The following G6PC2 variants were observed in gnomAD, a reference collection of about 807,000 sequenced individuals.
G6PC2 encodes glucose-6-phosphatase catalytic subunit 2.
A neutral mutation model predicts 35.4 loss-of-function variants in G6PC2; 41 were observed. That is an observed-to-expected ratio of 1.16 (90% CI 0.90 to 1.50). The LOEUF (loss-of-function observed/expected upper bound fraction) is 1.50, where lower values mean the gene tolerates loss of function less well. Among genes scored for constraint, G6PC2 ranks in the 40% most tolerant of loss-of-function variants. G6PC2 has a pLI of 0.00. For synonymous variants in G6PC2, 165 were observed against 153.2 expected, an observed-to-expected ratio of 1.08 and a Z score of -0.57; for missense variants, 441 against 426.5, an observed-to-expected ratio of 1.03 and a Z score of -0.30.
At position 168,907,577 on chromosome 2, in the gene G6PC2, T is replaced by C; in HGVS notation, c.566T>C (p.Val189Ala). The C allele has an allele frequency of 6.2e-7, 1 of 1,614,058 alleles. No individual in the cohort carries two copies. Among genetic ancestry groups the C allele is most frequent in the Non-Finnish European group, 8.5e-7 (1 of 1,179,932 alleles). ...TCTTTCCAATCCTCAGGCATGCTGG[T>C]GGCAGAGGCCTTTGAACACACTCCA... is the stretch of plus-strand genomic sequence containing the variant. Reference protein sequence around the residue: ...VILGVIGGMLVAEAFEHTPGI... With the variant: ...VILGVIGGMLAAEAFEHTPGI... The change falls in exon 5 of 5, where the codon GTG (valine) becomes GCG (alanine). Residue 189 changes from valine (V) to alanine (A), a missense_variant. Coordinates refer to ENST00000375363, the MANE Select transcript of G6PC2 (RefSeq NM_021176.3).
intron 3 of G6PC2, 87 bp downstream of exon 3, chr2:168,904,703 T>A: frequency 1.3e-6 from 1 of 785,812 alleles, no homozygotes; most frequent in Non-Finnish European, 2.3e-6. Context: ...TTAGTGCAGT[T>A]TTAGTCAATG....
chr2:168,906,361 C>G (rs1690711256), intron 3 of G6PC2, among the ~76,000 whole-genome samples: 3 of 152,144 alleles, frequency 2.0e-5, no homozygotes, highest in Admixed American at 2.0e-4. Context: ...TTCCCCTACT[C>G]CATTAAAACA....
Position 168,909,018 on chromosome 2 carries a change from T to G in G6PC2, c.*939T>G, listed in dbSNP as rs1574378951. On this transcript the variant is annotated 3_prime_UTR_variant, in exon 5 of 5. Transcript: ENST00000375363. The stretch of plus-strand genomic sequence containing the variant: ...CATTGTATTAATAGTTGGCCTACAC[T>G]GTCTTTTGTTTCTTCATTTACAAGA... The G allele has an allele frequency of 6.6e-6, 1 of 152,214 alleles. No individual in the cohort carries two copies. The allele number at this position is 152,214 out of a possible 1,614,324, so 9.4% of individuals were successfully genotyped here. A position where few individuals can be genotyped will look rare whatever the true frequency, so the allele number is the denominator to read the frequency against.
intron 3 of G6PC2, among the ~76,000 whole-genome samples, chr2:168,905,281 A>G (rs1690684746): frequency 6.6e-6 from 1 of 152,212 alleles, no homozygotes; most frequent in African/African-American, 2.4e-5. Flanking sequence ...CATTAAAACA[A>G]TCCTGAGTAC....
intron 2 of G6PC2, 70 bp downstream of exon 2, chr2:168,902,624 C>T: frequency 1.3e-6 from 1 of 787,784 alleles, no homozygotes. Context: ...GGGTTATCAT[C>T]TAGGAACTGA....
chr2:168,902,597 T>C (rs756155708), intron 2 of G6PC2, 43 bp downstream of exon 2: 26 of 827,062 alleles, frequency 3.1e-5, no homozygotes, highest in East Asian at 7.2e-5. Flanking sequence ...GATCTTCCAA[T>C]AGAGAATCAT....
intron 1 of G6PC2, 58 bp from the exon 2 acceptor site, chr2:168,902,387 A>T (rs1690617324): frequency 1.3e-6 from 1 of 780,270 alleles, no homozygotes; most frequent in Non-Finnish European, 2.3e-6. Context: ...CTAATCTCCA[A>T]TTAAATAATA....
chr2:168,901,731 G>GT lies in G6PC2; in HGVS notation c.218+187dup, dbSNP rs1295193951. The stretch of plus-strand genomic sequence containing the variant: ...AAAAGGCACAGAAATGTATATATAT[G>GT]TTTTTGTTTTTTTTTTTTTTTTGAG... On this transcript the variant is annotated intron_variant, in intron 1 of 4. Coordinates refer to ENST00000375363, the MANE Select transcript of G6PC2 (RefSeq NM_021176.3). Among the ~76,000 whole-genome samples the GT allele has an allele frequency of 9.0e-3, 898 of 99,978 alleles. 14 individuals are homozygous for GT. The highest frequency in any genetic ancestry group is 0.033 in the African/African-American group (692 of 21,244). 65.6% of individuals were successfully genotyped at this position (99,978 alleles called of 152,430 possible).
rs768246460 is a variant in G6PC2 at position 168,908,003 on chromosome 2, T to A, written c.992T>A (p.Ile331Asn). Residue 331 changes from isoleucine to asparagine, a missense_variant, in exon 5 of 5, where the codon ATT becomes AAT. Coordinates refer to ENST00000375363, the MANE Select transcript of G6PC2 (RefSeq NM_021176.3). ...YVLSFCKSAS[I>N]PLTVVAFIPY... ...CTGTCTTTTTGTAAAAGTGCATCCA[T>A]TCCCCTAACTGTGGTTGCTTTCATT... 1 of 1,612,476 alleles carries A rather than the reference T, an allele frequency of 6.2e-7. No individual in the cohort carries two copies. Among genetic ancestry groups the A allele is most frequent in the South Asian group, 1.1e-5 (1 of 91,046 alleles).
chr2:168,902,312 G>T, intron 1 of G6PC2, 133 bp from the exon 2 acceptor site: 3 of 641,660 alleles, frequency 4.7e-6, no homozygotes, highest in Non-Finnish European at 5.6e-6. Flanking sequence ...TTTTTTCAAA[G>T]TCTCTTAATC....
At position 168,908,332 on chromosome 2, in the gene G6PC2, A is replaced by G. The variant is rs1347126430; in HGVS notation, c.*253A>G. On this transcript the variant is annotated 3_prime_UTR_variant, in exon 5 of 5. Coordinates refer to ENST00000375363, the MANE Select transcript of G6PC2 (RefSeq NM_021176.3). ...TTCTGTATTTCTTGAAAAATCTGAT[A>G]GTATGACAACACAGAGCCTGCATCC... The G allele has an allele frequency of 2.1e-5, 12 of 559,474 alleles. No homozygotes were observed. Among genetic ancestry groups the G allele is most frequent in the African/African-American group, 3.8e-5 (2 of 52,878 alleles). The allele number at this position is 559,474 out of a possible 1,614,324, so 34.7% of individuals were successfully genotyped here.
At position 168,907,613 on chromosome 2, in the gene G6PC2, C is replaced by G. The variant is rs749480279; in HGVS notation, c.602C>G (p.Thr201Arg). The part of the protein sequence containing the change: ...EAFEHTPGIQ[T>R]ASLGTYLKTN... ...TTTGAACACACTCCAGGCATCCAAA[C>G]GGCCAGTCTGGGCACATACCTGAAG... Residue 201 changes from threonine to arginine, a missense_variant, in exon 5 of 5, where the codon ACG becomes AGG. Thr to Arg is a moderately conservative substitution (Grantham distance 71). Transcript: ENST00000375363. 15 of 1,613,902 alleles carry G rather than the reference C, an allele frequency of 9.3e-6. No homozygotes were observed. The highest frequency in any genetic ancestry group is 1.3e-5 in the Non-Finnish European group (15 of 1,179,786).
Position 168,906,844 on chromosome 2 carries a change from T to C in G6PC2, c.556+65T>C, listed in dbSNP as rs934799164. ...GCTTTAGTTTCATTATGTTTAAGGG[T>C]ATCAGATTGTCCCCGGTAATCAACT... On this transcript the variant is annotated intron_variant, in intron 4 of 4. Transcript: ENST00000375363. 6 of 859,356 alleles carry C rather than the reference T, an allele frequency of 7.0e-6. No homozygotes were observed. In the African/African-American group the frequency reaches 8.3e-5, roughly 12 times the overall value. 53.2% of individuals were successfully genotyped at this position (859,356 alleles called of 1,614,324 possible).
At chr2:168,905,860 G>A (rs1690697734) in intron 3 of G6PC2, among the ~76,000 whole-genome samples, 1 of 151,274 alleles carries the variant, frequency 6.6e-6, no homozygotes. Context: ...TCATTTCTCT[G>A]TGTTCCTTAG....
chr2:168,907,861 G>A lies in G6PC2; in HGVS notation c.850G>A (p.Gly284Arg), dbSNP rs751692549. ...AGAGATGTTCCTCCTGAGCTGCCGA[G>A]GGGGAAATAACTACACACTGAGCTT... ...NSEMFLLSCR[G>R]GNNYTLSFRL... Residue 284 changes from glycine to arginine, a missense_variant, in exon 5 of 5, where the codon GGG becomes AGG. Physicochemically the swap from Gly to Arg is moderately radical, Grantham distance 125. Transcript: ENST00000375363. 2 of 1,613,976 alleles carry A rather than the reference G, an allele frequency of 1.2e-6. No homozygotes were observed. Among genetic ancestry groups the A allele is most frequent in the South Asian group, 1.1e-5 (1 of 91,074 alleles).
chr2:168,905,870 G>A (rs765484781), intron 3 of G6PC2, among the ~76,000 whole-genome samples: 1 of 151,218 alleles, frequency 6.6e-6, no homozygotes, highest in Non-Finnish European at 1.5e-5. Flanking sequence ...GTGTTCCTTA[G>A]CATTTATATA....
At chr2:168,904,379 T>C (rs371186061) in intron 2 of G6PC2, 126 bp from the exon 3 acceptor site, 35 of 766,186 alleles carry the variant, frequency 4.6e-5, no homozygotes, top group Admixed American at 8.6e-5. Flanking sequence ...ACATTACATA[T>C]AGCCTGTGTC....
chr2:168,903,275 T>G (rs994844691), intron 2 of G6PC2, among the ~76,000 whole-genome samples: 1 of 152,232 alleles, frequency 6.6e-6, no homozygotes, highest in Non-Finnish European at 1.5e-5. Flanking sequence ...TTCTCGCCAG[T>G]TGACATCCTT....
rs185108752 is a variant in G6PC2, at chr2:168,904,530, C to T, written c.354C>T (p.Gly118=). 45 of 1,608,926 alleles carry T rather than the reference C, an allele frequency of 2.8e-5. No homozygotes were observed. Among genetic ancestry groups the T allele is most frequent in the Middle Eastern group, 1.7e-4 (1 of 6,056 alleles). ...GAAGTCCATCTGGCCATGCAATGGG[C>T]GCATCCTGTGTCTGGTATGTCATGG... is the stretch of plus-strand genomic sequence containing the variant. ...GPGSPSGHAM[G]ASCVWYVMVT... is the part of the protein sequence containing the mutation. The change falls in exon 3 of 5, where the codon GGC becomes GGT. Residue 118 remains glycine (G), a synonymous_variant. Transcript: ENST00000375363.
Sources: allele counts gnomAD v4.1 joint callset (sites outside exome capture counted in the v4.1 genomes callset), GRCh38; gene constraint gnomAD v4.1.1; transcripts MANE v1.5; gene names NCBI Gene and HGNC (gene_info 2026-07-23, HGNC 2026-07-21).